The following RILPL2 variants were observed in gnomAD, a reference collection of about 807,000 sequenced individuals.
RILPL2 encodes Rab interacting lysosomal protein like 2.
RILPL2 carries 19 observed loss-of-function variants against 22.2 expected under a neutral mutation model. The observed-to-expected ratio is 0.86, with a 90% confidence interval of 0.60 to 1.25. The LOEUF (loss-of-function observed/expected upper bound fraction) is 1.25, where lower values mean the gene tolerates loss of function less well. Ranked by LOEUF, RILPL2 falls within the 50% of genes most tolerant of loss-of-function variation. RILPL2 has a pLI of 0.00. For synonymous variants in RILPL2, 123 were observed against 111.6 expected (o/e 1.10, Z -0.64); for missense variants, 243 against 263.6 (o/e 0.92, Z 0.54).
intron 3 of RILPL2, among the ~76,000 whole-genome samples, chr12:123,421,217 A>AT (rs1879273383): frequency 6.6e-6 from 1 of 151,184 alleles, no homozygotes; most frequent in East Asian, 2.0e-4. Flanking sequence ...TCATTTTTGT[A>AT]TTTTTTAATA....
Position 123,436,523 on chromosome 12 carries a change from C to T in RILPL2, c.-103G>A, listed in dbSNP as rs1322221876. 1.4e-6 allele frequency: 2 copies of T among 1,455,234 alleles called. No individual in the cohort carries two copies. Among genetic ancestry groups the T allele is most frequent in the Non-Finnish European group, 1.8e-6 (2 of 1,103,238 alleles). 90.1% of individuals were successfully genotyped at this position (1,455,234 alleles called of 1,614,324 possible). ...AACTTTCCGCTGGGCAGAGTCCCTA[C>T]CTGCCCAATCAGCGCGGCCCGGGGG... On this transcript the variant is annotated 5_prime_UTR_variant, in exon 1 of 4. Coordinates refer to ENST00000280571, the MANE Select transcript of RILPL2 (RefSeq NM_145058.3). The surrounding 1 kb of genome is among the most constrained non-coding windows in gnomAD (Gnocchi z 6.7).
chr12:123,435,990 GAGAAA>G, intron 1 of RILPL2, 87 bp downstream of exon 1: 1 of 1,442,588 alleles, frequency 6.9e-7, no homozygotes, highest in Non-Finnish European at 9.2e-7. Context: ...GAAAAGAGAA[GAGAAA>G]AGAAAAGGAA....
At chr12:123,430,063 C>T (rs1879574218) in intron 2 of RILPL2, among the ~76,000 whole-genome samples, 1 of 127,958 alleles carries the variant, frequency 7.8e-6, no homozygotes, top group African/African-American at 3.0e-5. Context: ...TTGCAGTGAG[C>T]CAAGATCGCA....
intron 1 of RILPL2, among the ~76,000 whole-genome samples, chr12:123,435,636 G>A (rs1566094624): frequency 2.0e-5 from 3 of 152,138 alleles, no homozygotes; most frequent in African/African-American, 7.2e-5. Flanking sequence ...CTACTTGGAA[G>A]GGCAAGGCAG....
chr12:123,435,039 G>A (rs1329110262), intron 1 of RILPL2, among the ~76,000 whole-genome samples: 1 of 151,018 alleles, frequency 6.6e-6, no homozygotes, highest in African/African-American at 2.4e-5. Flanking sequence ...AAATAGCCAC[G>A]CGTGGTGGCA....
chr12:123,410,489 T>G (rs1878940709), downstream of RILPL2, among the ~76,000 whole-genome samples: 1 of 152,202 alleles, frequency 6.6e-6, no homozygotes, highest in South Asian at 2.1e-4. Context: ...AGGGATAATC[T>G]CTGCCCACTT....
At chr12:123,412,519 G>A (rs1879000844), downstream of RILPL2, 1 of 152,176 alleles carries the variant, frequency 6.6e-6, no homozygotes, top group Non-Finnish European at 1.5e-5. Context: ...TTCTGGACTA[G>A]ACTCTTAAAC....
At position 123,415,698 on chromosome 12, in the gene RILPL2, G is replaced by A. The variant is rs1879097561; in HGVS notation, c.*193C>T. The A allele has an allele frequency of 2.9e-6, 2 of 695,784 alleles. No homozygotes were observed. Among genetic ancestry groups the A allele is most frequent in the African/African-American group, 1.8e-5 (1 of 56,338 alleles). The allele number at this position is 695,784 out of a possible 1,614,324, so 43.1% of individuals were successfully genotyped here. ...TCACTGGCCCAGGCCAAATCTTCAA[G>A]GGTGTCTAGTTCTGCAGCCAGGGAG... On this transcript the variant is annotated 3_prime_UTR_variant, in exon 4 of 4. Coordinates refer to ENST00000280571, the MANE Select transcript of RILPL2 (RefSeq NM_145058.3).
At chr12:123,429,599 ATTTTG>A (rs1351642567) in intron 2 of RILPL2, among the ~76,000 whole-genome samples, 7 of 138,638 alleles carry the variant, frequency 5.0e-5, no homozygotes, top group Non-Finnish European at 7.8e-5. Flanking sequence ...AGTCGTTTTT[ATTTTG>A]TTTTGTTTCG....
chr12:123,434,513 T>C (rs886869926), intron 1 of RILPL2, among the ~76,000 whole-genome samples: 9 of 151,502 alleles, frequency 5.9e-5, no homozygotes, highest in African/African-American at 2.2e-4. Context: ...AACCTCTGCC[T>C]TCCGGTTTCA....
At chr12:123,433,191 C>CT (rs368610809) in intron 1 of RILPL2, among the ~76,000 whole-genome samples, 203 of 151,456 alleles carry the variant, frequency 1.3e-3, no homozygotes, top group African/African-American at 4.8e-3. Flanking sequence ...AATGCAACCT[C>CT]TGCCTCCCGG....
chr12:123,422,577 A>G (rs1230204145), intron 3 of RILPL2, among the ~76,000 whole-genome samples: 2 of 152,094 alleles, frequency 1.3e-5, no homozygotes, highest in African/African-American at 4.8e-5. Context: ...TGCCCAGGCT[A>G]GTCTCAAACT....
chr12:123,428,131 C>T (rs1193882339), intron 2 of RILPL2, among the ~76,000 whole-genome samples: 1 of 152,020 alleles, frequency 6.6e-6, no homozygotes, highest in Non-Finnish European at 1.5e-5. Flanking sequence ...GCCTGAACTA[C>T]TTATTTTATT....
intron 2 of RILPL2, among the ~76,000 whole-genome samples, chr12:123,430,242 T>C (rs960888145): frequency 2.7e-5 from 4 of 149,918 alleles, no homozygotes; most frequent in African/African-American, 9.9e-5. Context: ...ACTCCGTTTC[T>C]ACTAAAAATA....
intron 3 of RILPL2, 118 bp from the exon 4 acceptor site, chr12:123,416,039 C>G: frequency 9.8e-7 from 1 of 1,016,074 alleles, no homozygotes; most frequent in Non-Finnish European, 1.6e-6. Context: ...TATGTCCAGG[C>G]CAGGCATTGT....
chr12:123,419,472 G>A (rs1193146601), intron 3 of RILPL2, among the ~76,000 whole-genome samples: 1 of 152,180 alleles, frequency 6.6e-6, no homozygotes, highest in African/African-American at 2.4e-5. Context: ...CCAATGCTGG[G>A]ACACGGCTCA....
At chr12:123,416,312 A>G (rs892180950) in intron 3 of RILPL2, among the ~76,000 whole-genome samples, 24 of 151,992 alleles carry the variant, frequency 1.6e-4, no homozygotes, top group Admixed American at 3.3e-4. Context: ...CGACAGAGCA[A>G]GACACTATCT....
downstream of RILPL2, chr12:123,414,454 C>G (rs955081337): frequency 2.0e-5 from 3 of 152,994 alleles, no homozygotes; most frequent in African/African-American, 7.2e-5. Flanking sequence ...CCAGCTGGCC[C>G]GCAAGCGCCC....
chr12:123,426,726 C>T (rs1289410157), intron 2 of RILPL2, among the ~76,000 whole-genome samples: 8 of 151,936 alleles, frequency 5.3e-5, no homozygotes, highest in Non-Finnish European at 1.0e-4. Flanking sequence ...CTCAGCCTCC[C>T]GAGTAGCTGG....
Sources: allele counts gnomAD v4.1 joint callset (sites outside exome capture counted in the v4.1 genomes callset), GRCh38; gene constraint gnomAD v4.1.1; non-coding constraint Gnocchi (gnomAD v3.1); transcripts MANE v1.5; gene names NCBI Gene and HGNC (gene_info 2026-07-23, HGNC 2026-07-21).